CSMD1: variants seen among roughly 807,000 people sequenced by gnomAD.
CSMD1 encodes CUB and Sushi multiple domains 1, also known as CUB and sushi domain-containing protein 1.
In CSMD1, 213 loss-of-function variants were observed where a neutral mutation model predicts 417.5. The ratio of observed to expected loss-of-function variants is 0.51; its 90% CI spans 0.46 to 0.57. The LOEUF (loss-of-function observed/expected upper bound fraction) is 0.57, where lower values mean the gene tolerates loss of function less well. Ranked by LOEUF, CSMD1 falls within the 20% of genes least tolerant of loss-of-function variation. CSMD1 has a pLI of 0.00. For missense variants in CSMD1, 6,923 were observed against 4,529.7 expected (o/e 1.53, Z -15.17); for synonymous variants, 2,862 against 1,736.8 (o/e 1.65, Z -16.11).
intron 5 of CSMD1, among the ~76,000 whole-genome samples, chr8:3,834,212 T>C (rs895208441): frequency 6.6e-6 from 1 of 152,202 alleles, no homozygotes; most frequent in Admixed American, 6.5e-5. Context: ...TTTTTTCTTT[T>C]ATTTTGTAAA....
intron 6 of CSMD1, among the ~76,000 whole-genome samples, chr8:3,744,317 T>C (rs1158966995): frequency 6.6e-6 from 1 of 152,152 alleles, no homozygotes; most frequent in Admixed American, 6.5e-5. Flanking sequence ...GGAGAGCATC[T>C]ACTCTGCCTG....
intron 10 of CSMD1, among the ~76,000 whole-genome samples, chr8:3,553,766 T>C (rs771596561): frequency 1.3e-5 from 2 of 152,196 alleles, no homozygotes; most frequent in East Asian, 1.9e-4. Context: ...TCTAGAGAGA[T>C]GTTTATGTTT....
rs559327787 is a variant in CSMD1 at position 3,684,425 on chromosome 8, T to C, written c.1009+23989A>G. 9.6e-4 allele frequency among the ~76,000 whole-genome samples: 144 copies of C among 149,808 alleles called. 1 individual carries two copies. Among genetic ancestry groups the C allele is most frequent in the South Asian group, 9.6e-3 (46 of 4,786 alleles). On this transcript the variant is annotated intron_variant, in intron 7 of 69. Coordinates refer to ENST00000635120, the MANE Select transcript of CSMD1 (RefSeq NM_033225.6). ...ATATATACAAAATATATTTTTTTCA[T>C]CTGCATGACTCATAGTACTTAACAA... is the stretch of plus-strand genomic sequence containing the variant.
chr8:3,904,671 C>G (rs569822734), intron 5 of CSMD1, among the ~76,000 whole-genome samples: 109 of 133,926 alleles, frequency 8.1e-4, no homozygotes, highest in Non-Finnish European at 1.4e-3. Flanking sequence ...AAGTCTTACT[C>G]TGTCACCCCG....
Position 4,130,594 on chromosome 8 carries a change from A to G in CSMD1, c.416-98495T>C, listed in dbSNP as rs1803039139. On this transcript the variant is annotated intron_variant, in intron 3 of 69. Transcript: ENST00000635120. ...GACCTTATGTTTTCTAACTTGCAAA[A>G]TTGTATTACGCTCTTGTCTTCTACC... Among the ~76,000 whole-genome samples the G allele has an allele frequency of 2.0e-5, 3 of 152,206 alleles. No individual in the cohort carries two copies. In the South Asian group the frequency reaches 6.2e-4, roughly 32 times the overall value.
At chr8:4,125,714 G>C (rs974347373) in intron 3 of CSMD1, among the ~76,000 whole-genome samples, 1 of 152,082 alleles carries the variant, frequency 6.6e-6, no homozygotes, top group Non-Finnish European at 1.5e-5. Flanking sequence ...CTAAATTTGC[G>C]AAGGAATTCA....
intron 3 of CSMD1, among the ~76,000 whole-genome samples, chr8:4,085,720 G>A (rs570858231): frequency 6.6e-6 from 1 of 152,220 alleles, no homozygotes. Context: ...AAAACATTCT[G>A]GAAATGACCT....
chr8:4,648,759 C>T (rs547949361), intron 1 of CSMD1, among the ~76,000 whole-genome samples: 5 of 152,284 alleles, frequency 3.3e-5, no homozygotes, highest in East Asian at 3.9e-4. Flanking sequence ...ATGAGGGCTA[C>T]TCCATTATGT....
intron 3 of CSMD1, among the ~76,000 whole-genome samples, chr8:4,130,299 T>C (rs1803020784): frequency 6.6e-6 from 1 of 152,326 alleles, no homozygotes; most frequent in Admixed American, 6.5e-5. Context: ...ATCTTTATTC[T>C]GGTATAATCC....
intron 7 of CSMD1, among the ~76,000 whole-genome samples, chr8:3,692,414 T>C (rs2624070): frequency 0.95 from 143,982 of 152,070 alleles, 68,243 homozygotes; most frequent in East Asian, 0.99. Flanking sequence ...TCCTTCGACC[T>C]AAGCCACCAG....
intron 39 of CSMD1, among the ~76,000 whole-genome samples, chr8:3,152,579 G>C (rs770467757): frequency 6.6e-6 from 1 of 152,112 alleles, no homozygotes; most frequent in Non-Finnish European, 1.5e-5. Context: ...TAAAACTTAA[G>C]TCTAGTGAAT....
At chr8:3,998,136 G>A (rs17068480) in intron 4 of CSMD1, 26 bp from the exon 5 acceptor site, 120,966 of 1,536,936 alleles carry the variant, frequency 0.079, 5,699 homozygotes, top group East Asian at 0.26. Context: ...CAGAAAGAAA[G>A]CATCACATTT....
chr8:4,539,752 T>G (rs866606366), intron 2 of CSMD1, among the ~76,000 whole-genome samples: 8 of 152,226 alleles, frequency 5.3e-5, no homozygotes, highest in Middle Eastern at 3.2e-3. Flanking sequence ...TGTTTTATCT[T>G]TAGTCACTTA....
intron 1 of CSMD1, among the ~76,000 whole-genome samples, chr8:4,804,635 G>A (rs966498901): frequency 6.6e-6 from 1 of 151,964 alleles, no homozygotes; most frequent in South Asian, 2.1e-4. Context: ...AAGGCAGAGA[G>A]AGATAATATT....
chr8:4,537,546 G>A (rs73661516), intron 2 of CSMD1, among the ~76,000 whole-genome samples: 7,028 of 152,216 alleles, frequency 0.046, 284 homozygotes, highest in African/African-American at 0.1. Flanking sequence ...TGATTAAAAA[G>A]ATTAGTTTTC....
Position 4,020,662 on chromosome 8 carries a change from G to A in CSMD1, c.610+11243C>T, listed in dbSNP as rs79702969. Among the ~76,000 whole-genome samples, 1,049 of 152,244 alleles carry A rather than the reference G, an allele frequency of 6.9e-3. 58 individuals carry two copies. The East Asian group carries it at 0.14, about 20-fold the overall frequency. On this transcript the variant is annotated intron_variant, in intron 4 of 69. Coordinates refer to ENST00000635120, the MANE Select transcript of CSMD1 (RefSeq NM_033225.6). The stretch of plus-strand genomic sequence containing the variant: ...CTTTATTTTTTCTTACTTATTCCAG[G>A]ACAGATAACAAAGCTGTTTTCATTT...
intron 4 of CSMD1, among the ~76,000 whole-genome samples, chr8:4,006,331 G>C (rs1052744331): frequency 6.6e-6 from 1 of 152,188 alleles, no homozygotes; most frequent in Non-Finnish European, 1.5e-5. Flanking sequence ...ATCACCTGAG[G>C]TCAGCAGTTT....
intron 3 of CSMD1, among the ~76,000 whole-genome samples, chr8:4,096,656 G>C (rs1005947073): frequency 1.3e-5 from 2 of 152,196 alleles, no homozygotes; most frequent in Non-Finnish European, 2.9e-5. Context: ...AAGATATTTA[G>C]ATAAGAACAT....
At chr8:3,956,879 T>A (rs1169923908) in intron 5 of CSMD1, among the ~76,000 whole-genome samples, 1 of 152,174 alleles carries the variant, frequency 6.6e-6, no homozygotes, top group African/African-American at 2.4e-5. Flanking sequence ...ATGCTGCAAA[T>A]GTACAGGTGA....
Sources: gnomAD v4.1 joint callset for allele counts (sites outside exome capture counted in the v4.1 genomes callset) on GRCh38, gnomAD v4.1.1 for gene constraint, MANE v1.5 for transcripts, NCBI Gene and HGNC (gene_info 2026-07-23, HGNC 2026-07-21) for gene names.